Variants in FCGR3A observed in about 807,000 individuals in gnomAD.
The protein encoded by FCGR3A is Fc gamma receptor IIIa, also known as low affinity immunoglobulin gamma Fc region receptor III-A.
Under a neutral mutation model 24.1 loss-of-function variants are expected in FCGR3A, and 13 were observed. The observed-to-expected ratio is 0.54, with a 90% CI of 0.35 to 0.86. The LOEUF (loss-of-function observed/expected upper bound fraction) is 0.86, where lower values mean the gene tolerates loss of function less well. Ranked by LOEUF, FCGR3A falls within the 40% of genes least tolerant of loss-of-function variation. The pLI, the probability that FCGR3A is intolerant of heterozygous loss-of-function variation, is 0.01. For missense variants in FCGR3A, 235 were observed against 298.0 expected, an observed-to-expected ratio of 0.79 and a Z score of 1.56; for synonymous variants, 93 against 112.2, an observed-to-expected ratio of 0.83 and a Z score of 1.08.
intron 3 of FCGR3A, among the ~76,000 whole-genome samples, chr1:161,547,932 T>C (rs1372032196): frequency 2.0e-5 from 3 of 152,304 alleles, no homozygotes; most frequent in African/African-American, 4.8e-5. Flanking sequence ...TAGCTGGGCG[T>C]GGTGGCGGGT....
rs761565624 is a variant in FCGR3A, at chr1:161,548,977, A to G, written c.61+34T>C. 21 of 1,597,294 alleles carry G rather than the reference A, an allele frequency of 1.3e-5. 1 individual carries two copies. The highest frequency in any genetic ancestry group is 2.2e-5 in the East Asian group (1 of 44,840). On this transcript the variant is annotated intron_variant, in intron 2 of 4. Transcript: ENST00000443193. ...TGGCCTTTGTCCCCATATGTGCCCC[A>G]CTGGGTCAATCCAAGACCATGAAGC... is the stretch of plus-strand genomic sequence containing the variant.
rs443082 is a variant in FCGR3A, at chr1:161,544,838, C to T, written c.440G>A (p.Gly147Asp). ...HKVTYLQNGK[G>D]RKYFHHNSDF... ...AGAATTATGATGAAAATACTTCCTG[C>T]CTTTGCCATTCTGTAAATATGTGAC... The change falls in exon 4 of 5, where the codon GGC becomes GAC. Residue 147 changes from glycine to aspartate, a missense_variant. Gly to Asp is a moderately conservative substitution (Grantham distance 94, BLOSUM62 -1). Coordinates refer to ENST00000443193, the MANE Select transcript of FCGR3A (RefSeq NM_000569.8). The T allele has an allele frequency of 1.7e-5, 27 of 1,613,778 alleles. No individual in the cohort carries two copies. The highest frequency in any genetic ancestry group is 4.5e-5 in the East Asian group (2 of 44,886).
At chr1:161,546,713 G>A (rs1385675330) in intron 3 of FCGR3A, among the ~76,000 whole-genome samples, 1 of 151,822 alleles carries the variant, frequency 6.6e-6, no homozygotes, top group Non-Finnish European at 1.5e-5. Context: ...AGACCATCCT[G>A]GCTAACGCTG....
In FCGR3A at chr1:161,543,102, T is replaced by C. The variant is rs750456388; in HGVS notation, c.675A>G (p.Leu225=). ...MVLLFAVDTG[L]YFSVKTNIRS... is the part of the protein sequence containing the mutation. ...GAATGTTTGTCTTCACAGAGAAATATAGTCCTGTGTCCACTGCAAAAAGGA... is the reference window on the plus strand; with the variant it reads ...GAATGTTTGTCTTCACAGAGAAATACAGTCCTGTGTCCACTGCAAAAAGGA... The change falls in exon 5 of 5, where the codon CTA becomes CTG. Residue 225 remains leucine (L), a synonymous_variant. Transcript: ENST00000443193. 3 of 1,613,328 alleles carry C rather than the reference T, an allele frequency of 1.9e-6. No individual in the cohort carries two copies. The highest frequency in any genetic ancestry group is 2.2e-5 in the East Asian group (1 of 44,884).
At chr1:161,550,266 A>T (rs1249348332), upstream of FCGR3A, among the ~76,000 whole-genome samples, 1 of 152,212 alleles carries the variant, frequency 6.6e-6, no homozygotes, top group Non-Finnish European at 1.5e-5. Context: ...TCAAATCTTC[A>T]GACCACTAGC....
Position 161,546,100 on chromosome 1 carries a change from A to T in FCGR3A, c.320-1142T>A, listed in dbSNP as rs1039687163. Among the ~76,000 whole-genome samples, 18 of 152,222 alleles carry T rather than the reference A, an allele frequency of 1.2e-4. 1 individual carries two copies. Among genetic ancestry groups the T allele is most frequent in the South Asian group, 6.2e-4 (3 of 4,816 alleles). On this transcript the variant is annotated intron_variant, in intron 3 of 4. Transcript: ENST00000443193. ...TTCTCAGCTTGAATTACTATAATTT[A>T]AAAAATCTACTACCTGATGCTAAAC... is the stretch of plus-strand genomic sequence containing the variant.
chr1:161,549,507 C>T (rs1677638545), intron 1 of FCGR3A, among the ~76,000 whole-genome samples, 190 bp downstream of exon 1: 1 of 151,974 alleles, frequency 6.6e-6, no homozygotes, highest in Admixed American at 6.6e-5. Context: ...ATGAGTATGC[C>T]CCAATTGGAA....
chr1:161,548,493 C>A lies in FCGR3A; in HGVS notation c.247G>T (p.Asp83Tyr). ...GTCTGGCACCTGTACTCTCCACTGT[C>A]GTCGACTGTGGCAGCGTCAATGAAG... ...SYFIDAATVD[D>Y]SGEYRCQTNL... The change falls in exon 3 of 5, where the codon GAC becomes TAC. Residue 83 changes from aspartate (D) to tyrosine (Y), a missense_variant. Transcript: ENST00000443193. 2 of 1,614,016 alleles carry A rather than the reference C, an allele frequency of 1.2e-6. No homozygotes were observed. Among genetic ancestry groups the A allele is most frequent in the South Asian group, 2.2e-5 (2 of 91,076 alleles).
At chr1:161,549,858 C>CA, upstream of FCGR3A, 1 of 1,611,800 alleles carries the variant, frequency 6.2e-7, no homozygotes, top group Non-Finnish European at 8.5e-7. Flanking sequence ...TGTCACCCAC[C>CA]AATTTCCTTT....
intron 3 of FCGR3A, chr1:161,545,847 T>A (rs561917957): frequency 1.3e-5 from 2 of 152,088 alleles, no homozygotes; most frequent in Admixed American, 6.5e-5. Flanking sequence ...CATGAGACAA[T>A]TTTAAGTTAA....
intron 3 of FCGR3A, among the ~76,000 whole-genome samples, chr1:161,546,247 CACTT>C (rs1677390554): frequency 1.3e-5 from 2 of 152,028 alleles, no homozygotes; most frequent in African/African-American, 2.4e-5. Flanking sequence ...CCTATCTATC[CACTT>C]ACTTTTTCAG....
chr1:161,549,933 C>A (rs546559546), upstream of FCGR3A: 14,333 of 1,486,544 alleles, frequency 9.6e-3, 211 homozygotes, highest in Non-Finnish European at 9.9e-3. Context: ...TAGAACAGGA[C>A]CAGGAAGGAA....
At chr1:161,543,828 T>A (rs1308079017) in intron 4 of FCGR3A, among the ~76,000 whole-genome samples, 2 of 152,268 alleles carry the variant, frequency 1.3e-5, no homozygotes, top group African/African-American at 4.8e-5. Flanking sequence ...AATTTATGTC[T>A]TGGGCTAGTT....
intron 3 of FCGR3A, among the ~76,000 whole-genome samples, chr1:161,548,203 T>C (rs555484815): frequency 0.014 from 2,173 of 151,252 alleles, no homozygotes; most frequent in Non-Finnish European, 0.023. Flanking sequence ...AATTGTGCAA[T>C]GCAGCAGTCC....
intron 3 of FCGR3A, chr1:161,545,579 A>G (rs1348517098): frequency 1.3e-5 from 2 of 152,642 alleles, no homozygotes; most frequent in African/African-American, 4.8e-5. Flanking sequence ...GACCAACTTT[A>G]TTACTGAGCA....
At chr1:161,549,113 C>T (rs909235856) in intron 1 of FCGR3A, 82 bp from the exon 2 acceptor site, 1 of 1,144,294 alleles carries the variant, frequency 8.7e-7, no homozygotes, top group Non-Finnish European at 1.3e-6. Flanking sequence ...TAAAACTCCC[C>T]TGCCCTCCTC....
rs1253840937 is a variant in FCGR3A, at chr1:161,546,776, G to A, written c.319+1645C>T. Among the ~76,000 whole-genome samples the A allele has an allele frequency of 2.4e-4, 36 of 151,934 alleles. 1 individual carries two copies. The highest frequency in any genetic ancestry group is 8.0e-4 in the African/African-American group (33 of 41,350). Reference sequence around the variant, plus strand: ...AAAAATTAGCCGGGCGTGGTGGCATGCACCTGTAGTCCCAGCTACTTGGGA... The same window carrying A: ...AAAAATTAGCCGGGCGTGGTGGCATACACCTGTAGTCCCAGCTACTTGGGA... On this transcript the variant is annotated intron_variant, in intron 3 of 4. Coordinates refer to ENST00000443193, the MANE Select transcript of FCGR3A (RefSeq NM_000569.8).
chr1:161,542,492 C>T lies in FCGR3A; in HGVS notation c.*520G>A, dbSNP rs957277028. ...TATCTCTGGGCTCAGATGGGAACAC[C>T]TCCCTTAGACTATCCTGGACTACCT... is the stretch of plus-strand genomic sequence containing the variant. On this transcript the variant is annotated 3_prime_UTR_variant, in exon 5 of 5. Coordinates refer to ENST00000443193, the MANE Select transcript of FCGR3A (RefSeq NM_000569.8). 3 of 152,452 alleles carry T rather than the reference C, an allele frequency of 2.0e-5. No homozygotes were observed. Among genetic ancestry groups the T allele is most frequent in the African/African-American group, 7.3e-5 (3 of 41,330 alleles). 9.4% of individuals were successfully genotyped at this position (152,452 alleles called of 1,614,324 possible). A position where few individuals can be genotyped will look rare whatever the true frequency, so the allele number is the denominator to read the frequency against.
chr1:161,547,718 C>T (rs1677490336), intron 3 of FCGR3A, among the ~76,000 whole-genome samples: 1 of 152,244 alleles, frequency 6.6e-6, no homozygotes, highest in Non-Finnish European at 1.5e-5. Context: ...TAGGGCATTA[C>T]ATGTCTGAGA....
Sources: allele counts gnomAD v4.1 joint callset (sites outside exome capture counted in the v4.1 genomes callset), GRCh38; gene constraint gnomAD v4.1.1; transcripts MANE v1.5; gene names NCBI Gene and HGNC (gene_info 2026-07-23, HGNC 2026-07-21).